KATNAL1: variants seen among roughly 807,000 people sequenced by gnomAD.
KATNAL1 encodes the protein katanin p60 ATPase-containing subunit A-like 1.
KATNAL1 carries 32 observed loss-of-function variants against 55.2 expected under a neutral mutation model. The observed-to-expected ratio is 0.58, with a 90% CI of 0.44 to 0.78. The LOEUF (loss-of-function observed/expected upper bound fraction) is 0.78, where lower values mean the gene tolerates loss of function less well. KATNAL1 is among the 30% of genes least tolerant of loss of function. The pLI is 0.00. For synonymous variants in KATNAL1, 193 were observed against 193.6 expected (o/e 1.00, Z 0.02); for missense variants, 466 against 600.9 (o/e 0.78, Z 2.35).
chr13:30,212,738 A>G (rs1320751131), intron 9 of KATNAL1, among the ~76,000 whole-genome samples: 1 of 152,246 alleles, frequency 6.6e-6, no homozygotes, highest in African/African-American at 2.4e-5. Flanking sequence ...GCCTAAAACA[A>G]GAAATAATTA....
chr13:30,256,567 T>C (rs1001027562), intron 3 of KATNAL1, among the ~76,000 whole-genome samples: 3 of 152,176 alleles, frequency 2.0e-5, no homozygotes, highest in Non-Finnish European at 4.4e-5. Context: ...CTCACACTTA[T>C]AATTCACCTA....
intron 9 of KATNAL1, among the ~76,000 whole-genome samples, chr13:30,216,976 C>T (rs987724950): frequency 1.3e-5 from 2 of 151,942 alleles, no homozygotes; most frequent in African/African-American, 2.4e-5. Flanking sequence ...AGACAGCCAA[C>T]TTAAAATGAA....
rs57630828 is a variant in KATNAL1 at position 30,225,647 on chromosome 13, T to TACACAC, written c.1147+1759_1147+1764dup. Reference sequence around the variant, plus strand: ...ATACATATGAAAAAAATGACTCATCTACACACACACACACACACACACACA... The same window carrying TACACAC: ...ATACATATGAAAAAAATGACTCATCTACACACACACACACACACACACACACACACA... On this transcript the variant is annotated intron_variant, in intron 9 of 10. Transcript: ENST00000380615. Among the ~76,000 whole-genome samples, 341 of 146,754 alleles carry TACACAC rather than the reference T, an allele frequency of 2.3e-3. 2 individuals are homozygous for TACACAC. Among genetic ancestry groups the TACACAC allele is most frequent in the East Asian group, 0.011 (53 of 4,892 alleles).
chr13:30,286,254 A>C (rs1881780012), intron 1 of KATNAL1, among the ~76,000 whole-genome samples: 1 of 152,218 alleles, frequency 6.6e-6, no homozygotes, highest in Non-Finnish European at 1.5e-5. Context: ...CATGTCAGAG[A>C]TGTCGGCAAC....
At chr13:30,276,691 A>C (rs765006815) in intron 3 of KATNAL1, among the ~76,000 whole-genome samples, 5 of 152,156 alleles carry the variant, frequency 3.3e-5, no homozygotes, top group Non-Finnish European at 5.9e-5. Flanking sequence ...CACTAGTAAG[A>C]ATGTTAACAA....
chr13:30,282,472 T>C (rs1475171117), intron 2 of KATNAL1, among the ~76,000 whole-genome samples: 2 of 151,838 alleles, frequency 1.3e-5, no homozygotes, highest in African/African-American at 2.4e-5. Flanking sequence ...ACTCAGTCCT[T>C]ACAAAAAATT....
At chr13:30,284,635 A>G (rs572830822) in intron 1 of KATNAL1, among the ~76,000 whole-genome samples, 11 of 152,114 alleles carry the variant, frequency 7.2e-5, no homozygotes, top group Middle Eastern at 3.2e-3. Flanking sequence ...CTAAGCAAAC[A>G]CCTATAAATT....
chr13:30,231,949 T>G (rs1217421385), intron 6 of KATNAL1, among the ~76,000 whole-genome samples: 1 of 152,158 alleles, frequency 6.6e-6, no homozygotes, highest in Non-Finnish European at 1.5e-5. Context: ...AAAGACCCAT[T>G]TATGAGTTAA....
At chr13:30,257,757 T>G (rs1392786300) in intron 3 of KATNAL1, among the ~76,000 whole-genome samples, 1 of 151,342 alleles carries the variant, frequency 6.6e-6, no homozygotes, top group Non-Finnish European at 1.5e-5. Context: ...TCTGATGGGC[T>G]CCTAAATAGT....
At chr13:30,305,846 T>C (rs1031481057) in intron 1 of KATNAL1, among the ~76,000 whole-genome samples, 1 of 152,226 alleles carries the variant, frequency 6.6e-6, no homozygotes, top group Non-Finnish European at 1.5e-5. Flanking sequence ...GCCTGGCACA[T>C]AGGTTCCTAA....
Position 30,270,783 on chromosome 13 carries a change from G to T in KATNAL1, c.323+9280C>A, listed in dbSNP as rs537023464. On this transcript the variant is annotated intron_variant, in intron 3 of 10. Coordinates refer to ENST00000380615, the MANE Select transcript of KATNAL1 (RefSeq NM_032116.5). The stretch of plus-strand genomic sequence containing the variant: ...AGGGACACAAACACTGCGGAAGGCC[G>T]CAGGGTCCTCTGCCTAGGAAAACCA... Among the ~76,000 whole-genome samples, 686 of 150,850 alleles carry T rather than the reference G, an allele frequency of 4.5e-3. 3 individuals carry two copies. The highest frequency in any genetic ancestry group is 0.016 in the African/African-American group (648 of 41,116).
intron 4 of KATNAL1, among the ~76,000 whole-genome samples, chr13:30,252,746 CT>C (rs1159261874): frequency 2.3e-3 from 331 of 143,676 alleles, no homozygotes; most frequent in Middle Eastern, 3.5e-3. Context: ...ATTTTCCTTT[CT>C]TTTTTTTTTT....
At chr13:30,240,848 T>C (rs886157074) in intron 5 of KATNAL1, 111 bp downstream of exon 5, 8 of 969,010 alleles carry the variant, frequency 8.3e-6, no homozygotes, top group African/African-American at 1.6e-5. Flanking sequence ...TTTCATATTA[T>C]AGATGTGGTC....
intron 6 of KATNAL1, among the ~76,000 whole-genome samples, chr13:30,234,007 C>T (rs147696979): frequency 5.1e-4 from 78 of 152,060 alleles, no homozygotes; most frequent in Non-Finnish European, 5.1e-4. Flanking sequence ...AGTAGGGTGA[C>T]CATAGTTTAC....
chr13:30,225,556 T>C (rs1566091329), intron 9 of KATNAL1, among the ~76,000 whole-genome samples: 1 of 151,914 alleles, frequency 6.6e-6, no homozygotes, highest in African/African-American at 2.4e-5. Flanking sequence ...TAATTTTCAA[T>C]GAAGGTGCCG....
chr13:30,282,819 G>C (rs1257571440), intron 2 of KATNAL1, among the ~76,000 whole-genome samples: 1 of 151,534 alleles, frequency 6.6e-6, no homozygotes, highest in Non-Finnish European at 1.5e-5. Flanking sequence ...GCCAGGCGTG[G>C]TGGTGGGCGC....
intron 8 of KATNAL1, 130 bp from the exon 9 acceptor site, chr13:30,227,676 G>C: frequency 2.6e-6 from 2 of 778,122 alleles, no homozygotes; most frequent in Non-Finnish European, 3.9e-6. Flanking sequence ...CCTCTGTGTG[G>C]TGGCAAAACC....
At chr13:30,276,011 A>C (rs1465034373) in intron 3 of KATNAL1, among the ~76,000 whole-genome samples, 1 of 152,226 alleles carries the variant, frequency 6.6e-6, no homozygotes, top group Non-Finnish European at 1.5e-5. Flanking sequence ...AACTCATTAA[A>C]GAAAATGTAG....
At chr13:30,270,782 C>T (rs1290818568) in intron 3 of KATNAL1, among the ~76,000 whole-genome samples, 3 of 150,740 alleles carry the variant, frequency 2.0e-5, no homozygotes, top group Non-Finnish European at 3.0e-5. Context: ...TGCGGAAGGC[C>T]GCAGGGTCCT....
Sources: allele counts gnomAD v4.1 joint callset (sites outside exome capture counted in the v4.1 genomes callset), GRCh38; gene constraint gnomAD v4.1.1; transcripts MANE v1.5; gene names NCBI Gene and HGNC (gene_info 2026-07-23, HGNC 2026-07-21).